IGLL5: variants seen among roughly 807,000 people sequenced by gnomAD.
IGLL5 encodes immunoglobulin lambda-like polypeptide 5.
A neutral mutation model predicts 20.9 loss-of-function variants in IGLL5; 30 were observed. The ratio of observed to expected loss-of-function variants is 1.44; its 90% CI spans 1.07 to 1.95. The LOEUF is 1.95. Among genes scored for constraint, IGLL5 ranks in the 30% most tolerant of loss-of-function variants. The probability of loss-of-function intolerance (pLI) is 0.00; values close to 1 mark genes in which losing one functional copy is unlikely to be tolerated. For synonymous variants in IGLL5, 203 were observed against 117.3 expected (o/e 1.73, Z -4.72); for missense variants, 475 against 270.7 (o/e 1.75, Z -5.30).
intron 1 of IGLL5, among the ~76,000 whole-genome samples, chr22:22,889,408 A>C (rs2067716268): frequency 1.3e-5 from 2 of 151,284 alleles, no homozygotes; most frequent in Admixed American, 1.3e-4. Flanking sequence ...TGTTTATCTA[A>C]ACTGGGCAAT....
chr22:22,889,239 C>T (rs545163244), intron 1 of IGLL5, among the ~76,000 whole-genome samples: 2 of 151,032 alleles, frequency 1.3e-5, no homozygotes, highest in Middle Eastern at 3.8e-3. Flanking sequence ...GGAGGACACT[C>T]AGATTCAGAG....
intron 2 of IGLL5, among the ~76,000 whole-genome samples, chr22:22,894,113 C>T (rs184091272): frequency 1.3e-5 from 2 of 151,464 alleles, no homozygotes; most frequent in East Asian, 2.0e-4. Flanking sequence ...GAGGCTGGTT[C>T]TGATGAGGGG....
chr22:22,888,088 C>A lies in IGLL5; in HGVS notation c.35C>A (p.Thr12Asn), dbSNP rs553086290. 80 of 1,549,358 alleles carry A rather than the reference C, an allele frequency of 5.2e-5. 1 individual carries two copies. In the South Asian group the frequency reaches 8.3e-4, roughly 16 times the overall value. Residue 12 changes from threonine to asparagine, a missense_variant, in exon 1 of 3, where the codon ACC (threonine) becomes AAC (asparagine). Physicochemically the swap from Thr to Asn is moderately conservative, Grantham distance 65. Coordinates refer to ENST00000526893, the MANE Select transcript of IGLL5 (RefSeq NM_001178126.2). ...AAGACAGGCCAAGTGGGTTGTGAGA[C>A]CCCTGAGGAGCTGGGCCCTGGTCCC... The part of the protein sequence containing the change: ...RPKTGQVGCE[T>N]PEELGPGPRQ...
At chr22:22,889,272 T>G (rs140037469) in intron 1 of IGLL5, among the ~76,000 whole-genome samples, 1 of 150,842 alleles carries the variant, frequency 6.6e-6, no homozygotes, top group African/African-American at 2.4e-5. Context: ...CAGTTTCCTA[T>G]GAAATGGGAG....
Position 22,890,371 on chromosome 22 carries a change from AAAGT to A in IGLL5, c.206+2116_206+2119del, listed in dbSNP as rs113580994. Among the ~76,000 whole-genome samples, 336 of 148,810 alleles carry A rather than the reference AAAGT, an allele frequency of 2.3e-3. 1 individual carries two copies. The highest frequency in any genetic ancestry group is 7.5e-3 in the African/African-American group (304 of 40,594). On this transcript the variant is annotated intron_variant, in intron 1 of 2. Coordinates refer to ENST00000526893, the MANE Select transcript of IGLL5 (RefSeq NM_001178126.2). ...GTTGGTGCTGGGATTTTATTTTGCA[AAAGT>A]AAGAGCCATATTCTGCATATTACCA...
intron 2 of IGLL5, among the ~76,000 whole-genome samples, chr22:22,894,918 C>T (rs944189130): frequency 6.6e-6 from 1 of 151,472 alleles, no homozygotes; most frequent in South Asian, 2.1e-4. Flanking sequence ...TCTCCCCACA[C>T]ACTGCCTGCC....
intron 1 of IGLL5, among the ~76,000 whole-genome samples, chr22:22,889,514 G>A (rs181145764): frequency 1.8e-4 from 27 of 151,370 alleles, no homozygotes; most frequent in Non-Finnish European, 8.8e-5. Context: ...AGCATTATTA[G>A]TGATGGGAGA....
At chr22:22,888,304 AGCTG>A in intron 1 of IGLL5, 45 bp downstream of exon 1, 1 of 1,530,028 alleles carries the variant, frequency 6.5e-7, no homozygotes, top group African/African-American at 1.4e-5. Flanking sequence ...CCTGCAGCAG[AGCTG>A]GGAAAGGGTG....
chr22:22,889,515 T>A (rs573064287), intron 1 of IGLL5, among the ~76,000 whole-genome samples: 2 of 151,278 alleles, frequency 1.3e-5, no homozygotes, highest in South Asian at 2.1e-4. Flanking sequence ...GCATTATTAG[T>A]GATGGGAGAA....
At chr22:22,889,432 A>G (rs142632169) in intron 1 of IGLL5, among the ~76,000 whole-genome samples, 4 of 151,232 alleles carry the variant, frequency 2.6e-5, no homozygotes, top group African/African-American at 7.3e-5. Flanking sequence ...ACTTCTAGGA[A>G]TTTATCCTAA....
intron 1 of IGLL5, among the ~76,000 whole-genome samples, chr22:22,890,734 T>A (rs1489658827): frequency 1.3e-5 from 2 of 151,056 alleles, no homozygotes; most frequent in African/African-American, 4.9e-5. Flanking sequence ...CTCCGGTGAA[T>A]GGTAGTGCCT....
At chr22:22,890,906 A>C (rs1287506169) in intron 1 of IGLL5, among the ~76,000 whole-genome samples, 1 of 151,122 alleles carries the variant, frequency 6.6e-6, no homozygotes, top group Non-Finnish European at 1.5e-5. Context: ...TCGTCTGTGA[A>C]TTAACTGGTC....
At chr22:22,889,025 A>T (rs1601605666) in intron 1 of IGLL5, among the ~76,000 whole-genome samples, 3 of 151,292 alleles carry the variant, frequency 2.0e-5, no homozygotes, top group Middle Eastern at 3.7e-3. Context: ...AGAAGACCAT[A>T]GGGTCCGTGC....
intron 1 of IGLL5, among the ~76,000 whole-genome samples, chr22:22,888,520 C>G (rs149153411): frequency 6.6e-6 from 1 of 151,304 alleles, no homozygotes; most frequent in Non-Finnish European, 1.5e-5. Context: ...AGGGTCAGTG[C>G]CTCAATCACC....
rs561985087 is a variant in IGLL5 at position 22,889,808 on chromosome 22, G to C, written c.206+1549G>C. 4.4e-4 allele frequency among the ~76,000 whole-genome samples: 66 copies of C among 151,334 alleles called. 1 individual carries two copies. Among genetic ancestry groups the C allele is most frequent in the Middle Eastern group, 3.7e-3 (1 of 270 alleles). On this transcript the variant is annotated intron_variant, in intron 1 of 2. Coordinates refer to ENST00000526893, the MANE Select transcript of IGLL5 (RefSeq NM_001178126.2). Reference sequence around the variant, plus strand: ...GACAGAGCCTCGCTATATTGCTCAGGCCTGTCTCAAATTCCTAAGCTCAAG... The same window carrying C: ...GACAGAGCCTCGCTATATTGCTCAGCCCTGTCTCAAATTCCTAAGCTCAAG...
chr22:22,895,767 C>A lies in IGLL5; in HGVS notation c.*73C>A. 4 of 1,363,634 alleles carry A rather than the reference C, an allele frequency of 2.9e-6. No homozygotes were observed. Among genetic ancestry groups the A allele is most frequent in the Non-Finnish European group, 4.2e-6 (4 of 953,492 alleles). The allele number at this position is 1,363,634 out of a possible 1,614,324, so 84.5% of individuals were successfully genotyped here. ...CAGGGGAGGGGTCTCTCTCCCCATC[C>A]CAAGTCATCCAGCCCTTCTCCCTGC... On this transcript the variant is annotated 3_prime_UTR_variant, in exon 3 of 3. Transcript: ENST00000526893.
intron 2 of IGLL5, 145 bp downstream of exon 2, chr22:22,893,963 G>A (rs1031556745): frequency 1.0e-4 from 71 of 692,774 alleles, no homozygotes; most frequent in Middle Eastern, 5.0e-4. Flanking sequence ...TGGAGGAGGT[G>A]CATTAGTCTC....
chr22:22,889,450 T>TG, intron 1 of IGLL5, among the ~76,000 whole-genome samples: 1 of 151,188 alleles, frequency 6.6e-6, no homozygotes, highest in South Asian at 2.1e-4. Flanking sequence ...TAAGGGTTGG[T>TG]TGGGGGAATA....
chr22:22,888,363 C>T (rs2067587105), intron 1 of IGLL5, 104 bp downstream of exon 1: 7 of 1,033,874 alleles, frequency 6.8e-6, no homozygotes, highest in East Asian at 5.3e-5. Context: ...AGGTTAACCC[C>T]TAAGAGGGGC....
Sources: gnomAD v4.1 joint callset for allele counts (sites outside exome capture counted in the v4.1 genomes callset) on GRCh38, gnomAD v4.1.1 for gene constraint, MANE v1.5 for transcripts, NCBI Gene and HGNC (gene_info 2026-07-23, HGNC 2026-07-21) for gene names.